The following SNTG1 variants were observed in gnomAD, a reference collection of about 807,000 sequenced individuals.
SNTG1 encodes the protein gamma-1-syntrophin.
Under a neutral mutation model 74.7 loss-of-function variants are expected in SNTG1, and 39 were observed. The observed-to-expected ratio is 0.52, with a 90% confidence interval of 0.40 to 0.68. SNTG1 has a LOEUF of 0.68. Among genes scored for constraint, SNTG1 ranks in the 30% least tolerant of loss-of-function variants. The pLI is 0.00. For missense variants in SNTG1, 685 were observed against 609.5 expected (o/e 1.12, Z -1.30); for synonymous variants, 254 against 217.1 (o/e 1.17, Z -1.49).
intron 2 of SNTG1, among the ~76,000 whole-genome samples, chr8:50,223,426 A>T (rs923640863): frequency 6.6e-6 from 1 of 152,162 alleles, no homozygotes; most frequent in African/African-American, 2.4e-5. Context: ...AAAGTAATTA[A>T]ATTAAAAATT....
intron 13 of SNTG1, among the ~76,000 whole-genome samples, chr8:50,596,843 T>C (rs1049943715): frequency 6.6e-6 from 1 of 152,100 alleles, no homozygotes; most frequent in African/African-American, 2.4e-5. Context: ...TCAAATCATA[T>C]ATACACTGTA....
intron 15 of SNTG1, among the ~76,000 whole-genome samples, chr8:50,686,018 G>T (rs188164360): frequency 1.3e-5 from 2 of 152,210 alleles, no homozygotes; most frequent in Admixed American, 6.5e-5. Flanking sequence ...AGTTAGATAT[G>T]CTCTAGTTTT....
At chr8:49,992,526 C>G (rs1813788690) in intron 1 of SNTG1, among the ~76,000 whole-genome samples, 1 of 152,022 alleles carries the variant, frequency 6.6e-6, no homozygotes, top group African/African-American at 2.4e-5. Flanking sequence ...TTAACTAAAC[C>G]TTGGTGGGTA....
intron 1 of SNTG1, among the ~76,000 whole-genome samples, chr8:50,153,737 TG>T (rs1177729072): frequency 6.6e-6 from 1 of 152,156 alleles, no homozygotes; most frequent in South Asian, 2.1e-4. Context: ...GAACAGCAAA[TG>T]TTGCTGCCAG....
chr8:50,781,322 T>C (rs2131831851), intron 18 of SNTG1, among the ~76,000 whole-genome samples: 1 of 152,260 alleles, frequency 6.6e-6, no homozygotes, highest in East Asian at 1.9e-4. Context: ...TCTCCCATTA[T>C]TATTGTGTGG....
At chr8:50,056,327 G>C (rs1820019153) in intron 1 of SNTG1, among the ~76,000 whole-genome samples, 1 of 152,070 alleles carries the variant, frequency 6.6e-6, no homozygotes, top group African/African-American at 2.4e-5. Flanking sequence ...CCTAGGATTG[G>C]CCTTAGGCAC....
At chr8:50,113,856 A>T (rs566076655) in intron 1 of SNTG1, among the ~76,000 whole-genome samples, 2 of 152,168 alleles carry the variant, frequency 1.3e-5, no homozygotes, top group Non-Finnish European at 2.9e-5. Flanking sequence ...ACATGTATAT[A>T]CATATGTAAC....
chr8:50,054,557 G>C (rs1165742220), intron 1 of SNTG1, among the ~76,000 whole-genome samples: 1 of 151,970 alleles, frequency 6.6e-6, no homozygotes. Flanking sequence ...TTGCCAAAAT[G>C]TTCCTTCTCA....
In SNTG1 at chr8:50,786,010, TC is replaced by T. The variant is rs143070639; in HGVS notation, c.1396-6656del. On this transcript the variant is annotated intron_variant, in intron 18 of 18. Transcript: ENST00000642720. ...CTAAGTATTGAAGGAATGTATGTGT[TC>T]CCCCTACAATTAAGAATAAGAAAAG... Among the ~76,000 whole-genome samples the T allele has an allele frequency of 6.8e-3, 1,032 of 152,060 alleles. 11 individuals carry two copies. The highest frequency in any genetic ancestry group is 0.024 in the African/African-American group (996 of 41,528).
At chr8:50,612,164 T>C (rs2094855188) in intron 13 of SNTG1, among the ~76,000 whole-genome samples, 1 of 152,236 alleles carries the variant, frequency 6.6e-6, no homozygotes, top group Non-Finnish European at 1.5e-5. Flanking sequence ...CCTAATATTG[T>C]ATTTTGTAAT....
chr8:50,521,020 C>G (rs1342543648), intron 9 of SNTG1, among the ~76,000 whole-genome samples: 1 of 152,152 alleles, frequency 6.6e-6, no homozygotes, highest in Admixed American at 6.6e-5. Flanking sequence ...ATGCAACCAA[C>G]CCAACTGCCC....
rs947314197 is a variant in SNTG1, at chr8:50,656,543, T to C, written c.850-366T>C. 2.0e-5 allele frequency among the ~76,000 whole-genome samples: 3 copies of C among 152,164 alleles called. No individual in the cohort carries two copies. The East Asian group carries it at 5.8e-4, about 29-fold the overall frequency. ...TGTATTAAAGCACATTCCCAATTAA[T>C]AAAATGTCAGTAATTGGTAAACAAG... On this transcript the variant is annotated intron_variant, in intron 13 of 18. Transcript: ENST00000642720.
chr8:50,658,722 G>A, intron 15 of SNTG1, 59 bp downstream of exon 15: 1 of 1,147,582 alleles, frequency 8.7e-7, no homozygotes. Context: ...AGTGCCTCTG[G>A]GCTCATAAGC....
intron 8 of SNTG1, among the ~76,000 whole-genome samples, chr8:50,455,382 G>A (rs6983633): frequency 0.09 from 13,721 of 152,174 alleles, 1,912 homozygotes; most frequent in African/African-American, 0.3. Context: ...CTCATGAATA[G>A]AATTTATTAG....
intron 10 of SNTG1, among the ~76,000 whole-genome samples, chr8:50,530,542 A>G (rs535284941): frequency 2.0e-5 from 3 of 152,306 alleles, no homozygotes; most frequent in Admixed American, 6.5e-5. Context: ...AACATTGCAC[A>G]TTATATGTGA....
intron 18 of SNTG1, among the ~76,000 whole-genome samples, chr8:50,764,151 T>C (rs1422329980): frequency 1.3e-5 from 2 of 151,986 alleles, no homozygotes; most frequent in African/African-American, 4.8e-5. Flanking sequence ...TGGGTTCTTA[T>C]CTAACACCAT....
intron 2 of SNTG1, among the ~76,000 whole-genome samples, chr8:50,293,384 G>T (rs367784498): frequency 4.0e-5 from 6 of 150,136 alleles, no homozygotes; most frequent in African/African-American, 1.5e-4. Context: ...ATTGGATTAG[G>T]GCCCACCTTA....
intron 9 of SNTG1, among the ~76,000 whole-genome samples, chr8:50,505,746 T>C (rs1209039055): frequency 3.3e-5 from 5 of 152,198 alleles, no homozygotes; most frequent in Non-Finnish European, 7.4e-5. Context: ...TCAGATACTC[T>C]GGCTATTAAC....
chr8:50,555,173 C>G (rs988956575), intron 12 of SNTG1, among the ~76,000 whole-genome samples: 1 of 152,116 alleles, frequency 6.6e-6, no homozygotes. Flanking sequence ...AAGTGCTCAC[C>G]GTCATATGAT....
Sources: gnomAD v4.1 joint callset for allele counts (sites outside exome capture counted in the v4.1 genomes callset) on GRCh38, gnomAD v4.1.1 for gene constraint, MANE v1.5 for transcripts, NCBI Gene and HGNC (gene_info 2026-07-23, HGNC 2026-07-21) for gene names.